Variants in PPARGC1B observed in about 807,000 individuals in gnomAD.
The protein encoded by PPARGC1B is PPARG coactivator 1 beta.
PPARGC1B carries 34 observed loss-of-function variants against 101.6 expected under a neutral mutation model. The observed-to-expected ratio is 0.33, with a 90% CI of 0.25 to 0.45. The LOEUF (loss-of-function observed/expected upper bound fraction) is 0.45. PPARGC1B is among the 20% of genes least tolerant of loss of function. PPARGC1B has a pLI of 1.00. For synonymous variants in PPARGC1B, 548 were observed against 539.3 expected, an observed-to-expected ratio of 1.02 and a Z score of -0.22; for missense variants, 1,234 against 1,317.6, an observed-to-expected ratio of 0.94 and a Z score of 0.98.
chr5:149,834,552 G>A (rs1281368768), intron 5 of PPARGC1B, 122 bp from the exon 6 acceptor site: 2 of 789,660 alleles, frequency 2.5e-6, no homozygotes, highest in African/African-American at 3.5e-5. Context: ...GAGGTGTTTG[G>A]TCACCTGCCC....
At position 149,836,454 on chromosome 5, in the gene PPARGC1B, C is replaced by T; in HGVS notation, c.1999C>T (p.His667Tyr). 3 of 1,614,098 alleles carry T rather than the reference C, an allele frequency of 1.9e-6. No individual in the cohort carries two copies. Among genetic ancestry groups the T allele is most frequent in the East Asian group, 2.2e-5 (1 of 44,876 alleles). ...CCCAGAGCGAAGTGAGCTCCTGTCCCACCTGCGACATGCCACAGCCCAGCC... is the reference window on the plus strand; with the variant it reads ...CCCAGAGCGAAGTGAGCTCCTGTCCTACCTGCGACATGCCACAGCCCAGCC... ...KHPERSELLS[H>Y]LRHATAQPAS... Residue 667 changes from histidine (H) to tyrosine (Y), a missense_variant, in exon 8 of 12, where the codon CAC becomes TAC. This residue lies in a region of PPARGC1B where 497 missense variants were observed against 529.5 expected (regional missense o/e 0.94). Coordinates refer to ENST00000309241, the MANE Select transcript of PPARGC1B (RefSeq NM_133263.4).
At chr5:149,857,793 C>A (rs972402125), downstream of PPARGC1B, among the ~76,000 whole-genome samples, 1 of 152,298 alleles carries the variant, frequency 6.6e-6, no homozygotes, top group East Asian at 1.9e-4. Context: ...GGCCCAGCCC[C>A]GTCTTCTCAC....
At chr5:149,847,251 G>C in intron 11 of PPARGC1B, 1 of 701,658 alleles carries the variant, frequency 1.4e-6, no homozygotes, top group East Asian at 2.7e-5. Context: ...GGACAGCCAA[G>C]GCCCTGAGAC....
At position 149,836,564 on chromosome 5, in the gene PPARGC1B, C is replaced by A. The variant is rs774137978; in HGVS notation, c.2109C>A (p.Val703=). The A allele has an allele frequency of 1.5e-5, 25 of 1,613,798 alleles. No homozygotes were observed. Among genetic ancestry groups the A allele is most frequent in the Non-Finnish European group, 1.9e-5 (23 of 1,180,056 alleles). ...DYCQVLRPEG[V]LQRKVLRSWE... is the part of the protein sequence containing the mutation. ...GCCAGGTGCTCCGACCAGAAGGCGT[C>A]CTGCAAAGGAAGGTGCTGAGGTCCT... The change falls in exon 8 of 12, where the codon GTC becomes GTA. Residue 703 remains valine (V), a synonymous_variant. Transcript: ENST00000309241.
At chr5:149,800,649 C>T (rs978475766) in intron 1 of PPARGC1B, among the ~76,000 whole-genome samples, 1 of 152,224 alleles carries the variant, frequency 6.6e-6, no homozygotes, top group African/African-American at 2.4e-5. Flanking sequence ...AAACAGCCTC[C>T]GCTGTTTTTG....
chr5:149,818,970 A>G (rs1048061252), intron 1 of PPARGC1B: 1 of 431,514 alleles, frequency 2.3e-6, no homozygotes, highest in African/African-American at 2.0e-5. Flanking sequence ...AACATCACCA[A>G]GCCATTCTGT....
At chr5:149,817,272 A>C (rs953414891) in intron 1 of PPARGC1B, among the ~76,000 whole-genome samples, 1 of 152,176 alleles carries the variant, frequency 6.6e-6, no homozygotes, top group African/African-American at 2.4e-5. Context: ...AGGTGGGATG[A>C]GACAAGCCTG....
intron 1 of PPARGC1B, among the ~76,000 whole-genome samples, chr5:149,815,879 G>C (rs1235483991): frequency 6.6e-6 from 1 of 152,192 alleles, no homozygotes; most frequent in African/African-American, 2.4e-5. Context: ...TTGCCGACAT[G>C]GGGACGGTAG....
At chr5:149,841,646 C>A (rs1257133595) in intron 9 of PPARGC1B, among the ~76,000 whole-genome samples, 1 of 152,168 alleles carries the variant, frequency 6.6e-6, no homozygotes, top group African/African-American at 2.4e-5. Context: ...TCAACCAGAT[C>A]AAATCACAGA....
In PPARGC1B at chr5:149,851,535, C is replaced by G. The variant is rs1281459870; in HGVS notation, c.*3977C>G. ...CAGTTTGGGGTTACCCACATCCCAGCATCAGATATGATTAAGGAAAGAAAT... is the reference window on the plus strand; with the variant it reads ...CAGTTTGGGGTTACCCACATCCCAGGATCAGATATGATTAAGGAAAGAAAT... On this transcript the variant is annotated 3_prime_UTR_variant, in exon 12 of 12. Coordinates refer to ENST00000309241, the MANE Select transcript of PPARGC1B (RefSeq NM_133263.4). 2 of 152,180 alleles carry G rather than the reference C, an allele frequency of 1.3e-5. No homozygotes were observed. Among genetic ancestry groups the G allele is most frequent in the African/African-American group, 4.8e-5 (2 of 41,426 alleles). The allele number at this position is 152,180 out of a possible 1,614,324, so 9.4% of individuals were successfully genotyped here. A position where few individuals can be genotyped will look rare whatever the true frequency, so the allele number is the denominator to read the frequency against.
At position 149,730,310 on chromosome 5, in the gene PPARGC1B, G is replaced by T; in HGVS notation, c.-33G>T. 1 of 1,516,668 alleles carries T rather than the reference G, an allele frequency of 6.6e-7. No homozygotes were observed. The highest frequency in any genetic ancestry group is 1.2e-5 in the South Asian group (1 of 80,020). The allele number at this position is 1,516,668 out of a possible 1,614,324, so 94.0% of individuals were successfully genotyped here. A position where few individuals can be genotyped will look rare whatever the true frequency, so the allele number is the denominator to read the frequency against. Reference sequence around the variant, plus strand: ...CCTCCCCCCGGGCCGGCTCGGCGTTGACTCCGCCGCACGCTGCAGCCGCGG... The same window carrying T: ...CCTCCCCCCGGGCCGGCTCGGCGTTTACTCCGCCGCACGCTGCAGCCGCGG... On this transcript the variant is annotated 5_prime_UTR_variant, in exon 1 of 12. Coordinates refer to ENST00000309241, the MANE Select transcript of PPARGC1B (RefSeq NM_133263.4). The surrounding 1 kb of genome is among the most constrained non-coding windows in gnomAD (Gnocchi z 4.0).
chr5:149,746,621 T>C (rs894258286), intron 1 of PPARGC1B, among the ~76,000 whole-genome samples: 1 of 152,162 alleles, frequency 6.6e-6, no homozygotes. Flanking sequence ...TGCCCAGAGG[T>C]GGAATTGCTG....
In PPARGC1B at chr5:149,852,738, C is replaced by T. The variant is rs1411938531; in HGVS notation, c.*5180C>T. On this transcript the variant is annotated 3_prime_UTR_variant, in exon 12 of 12. Coordinates refer to ENST00000309241, the MANE Select transcript of PPARGC1B (RefSeq NM_133263.4). ...TTTTTTTTTTTTTAAAGAAAAACAG[C>T]TTAGGAGCTTTTCACACATTTCTTT... 6.8e-6 allele frequency: 1 copy of T among 147,430 alleles called. No individual in the cohort carries two copies. Among genetic ancestry groups the T allele is most frequent in the Non-Finnish European group, 1.5e-5 (1 of 67,314 alleles). 9.1% of individuals were successfully genotyped at this position (147,430 alleles called of 1,614,324 possible).
chr5:149,856,251 TC>T (rs1162737593), downstream of PPARGC1B, among the ~76,000 whole-genome samples: 2 of 152,224 alleles, frequency 1.3e-5, no homozygotes, highest in African/African-American at 4.8e-5. Flanking sequence ...TGATTTATTT[TC>T]CCCATCTGTA....
In PPARGC1B at chr5:149,788,961, G is replaced by A. The variant is rs968189544; in HGVS notation, c.79-31472G>A. Among the ~76,000 whole-genome samples, 7 of 152,144 alleles carry A rather than the reference G, an allele frequency of 4.6e-5. No homozygotes were observed. The East Asian group carries it at 1.3e-3, about 29-fold the overall frequency. ...GGAGTGGGGAGGGATAACATTAGGA[G>A]ATACACCTAATGTAGATGACGAGTT... On this transcript the variant is annotated intron_variant, in intron 1 of 11. Coordinates refer to ENST00000309241, the MANE Select transcript of PPARGC1B (RefSeq NM_133263.4).
In PPARGC1B at chr5:149,848,645, G is replaced by C. The variant is rs1376801928; in HGVS notation, c.*1087G>C. Reference sequence around the variant, plus strand: ...GGCATGTGTCTTGGATGCACCATCAGCTTTGATCCTGAGTGGTCCTGCGGT... The same window carrying C: ...GGCATGTGTCTTGGATGCACCATCACCTTTGATCCTGAGTGGTCCTGCGGT... On this transcript the variant is annotated 3_prime_UTR_variant, in exon 12 of 12. Transcript: ENST00000309241. 7 of 152,388 alleles carry C rather than the reference G, an allele frequency of 4.6e-5. No individual in the cohort carries two copies. In the East Asian group the frequency reaches 1.3e-3, roughly 29 times the overall value. 9.4% of individuals were successfully genotyped at this position (152,388 alleles called of 1,614,324 possible).
chr5:149,753,939 C>A (rs1755413688), intron 1 of PPARGC1B, among the ~76,000 whole-genome samples: 1 of 152,234 alleles, frequency 6.6e-6, no homozygotes, highest in Non-Finnish European at 1.5e-5. Flanking sequence ...GGTGATCCGC[C>A]TACCTCGGCC....
chr5:149,772,139 G>A, intron 1 of PPARGC1B: 3 of 1,604,982 alleles, frequency 1.9e-6, no homozygotes, highest in Non-Finnish European at 1.7e-6. Context: ...CCAGAGCAAT[G>A]GTAGGTGTTG....
chr5:149,795,029 A>G (rs920310812), intron 1 of PPARGC1B, among the ~76,000 whole-genome samples: 1 of 152,222 alleles, frequency 6.6e-6, no homozygotes, highest in South Asian at 2.1e-4. Context: ...TAGATTCTCC[A>G]TAAGAGACTT....
Sources: gnomAD v4.1 joint callset for allele counts (sites outside exome capture counted in the v4.1 genomes callset) on GRCh38, gnomAD v4.1.1 for gene constraint, gnomAD v4.1.1 regional missense constraint, Gnocchi (gnomAD v3.1) non-coding constraint, MANE v1.5 for transcripts, NCBI Gene and HGNC (gene_info 2026-07-23, HGNC 2026-07-21) for gene names.